The following FUBP1 variants were observed in gnomAD, a reference collection of about 807,000 sequenced individuals.
The protein encoded by FUBP1 is far upstream element binding protein 1.
FUBP1 carries 16 observed loss-of-function variants against 94.9 expected under a neutral mutation model. The observed-to-expected ratio is 0.17, with a 90% confidence interval of 0.11 to 0.26. The LOEUF (loss-of-function observed/expected upper bound fraction) is 0.26, where lower values mean the gene tolerates loss of function less well. FUBP1 is among the 10% of genes least tolerant of loss of function. The pLI is 1.00. For synonymous variants in FUBP1, 279 were observed against 254.9 expected (o/e 1.09, Z -0.90); for missense variants, 583 against 808.6 (o/e 0.72, Z 3.38).
At chr1:77,962,687 C>T in intron 14 of FUBP1, 83 bp downstream of exon 14, 2 of 766,390 alleles carry the variant, frequency 2.6e-6, no homozygotes, top group South Asian at 4.5e-5. Flanking sequence ...ATACATTTTC[C>T]TTTGATGTAT....
Position 77,946,691 on chromosome 1 carries a change from C to T in FUBP1, c.*2075G>A, listed in dbSNP as rs990225284. 1 of 205,512 alleles carries T rather than the reference C, an allele frequency of 4.9e-6. No individual in the cohort carries two copies. Among genetic ancestry groups the T allele is most frequent in the African/African-American group, 2.3e-5 (1 of 43,782 alleles). The allele number at this position is 205,512 out of a possible 1,614,324, so 12.7% of individuals were successfully genotyped here. The stretch of plus-strand genomic sequence containing the variant: ...TATGATACTGAATTCAACTGAACTA[C>T]TTCTTCAGTTCAATTAATAAATGCA... On this transcript the variant is annotated 3_prime_UTR_variant, in exon 20 of 20. Transcript: ENST00000370768.
chr1:77,953,211 T>C (rs2102277472), intron 18 of FUBP1, among the ~76,000 whole-genome samples: 1 of 149,608 alleles, frequency 6.7e-6, no homozygotes, highest in East Asian at 2.0e-4. Context: ...CAGGTGAGGC[T>C]GGGTGCAGTG....
At position 77,947,559 on chromosome 1, in the gene FUBP1, C is replaced by T; in HGVS notation, c.*1207G>A. On this transcript the variant is annotated 3_prime_UTR_variant, in exon 20 of 20. Transcript: ENST00000370768. ...TGGCTGGATCAAACCTGCACTTCAA[C>T]AGACAATGGCAAGACAGACTGTATT... 1 of 1,348,924 alleles carries T rather than the reference C, an allele frequency of 7.4e-7. No homozygotes were observed. The highest frequency in any genetic ancestry group is 1.2e-5 in the South Asian group (1 of 81,478). The allele number at this position is 1,348,924 out of a possible 1,614,324, so 83.6% of individuals were successfully genotyped here. A position where few individuals can be genotyped will look rare whatever the true frequency, so the allele number is the denominator to read the frequency against.
chr1:77,973,599 T>G (rs1487471496), intron 1 of FUBP1, among the ~76,000 whole-genome samples: 1 of 151,830 alleles, frequency 6.6e-6, no homozygotes, highest in African/African-American at 2.4e-5. Context: ...ATCTGGACCA[T>G]TATCTACTTC....
chr1:77,967,521 C>CA, intron 4 of FUBP1, 106 bp downstream of exon 4: 2 of 843,996 alleles, frequency 2.4e-6, no homozygotes, highest in Admixed American at 2.2e-5. Context: ...CTAGGTACAC[C>CA]AAAAAATACA....
At position 77,960,776 on chromosome 1, in the gene FUBP1, CAGT is replaced by C. The variant is rs1236186550; in HGVS notation, c.1345-284_1345-282del. 5 of 301,868 alleles carry C rather than the reference CAGT, an allele frequency of 1.7e-5. No individual in the cohort carries two copies. In the South Asian group the frequency reaches 2.2e-4, roughly 14 times the overall value. The allele number at this position is 301,868 out of a possible 1,614,324, so 18.7% of individuals were successfully genotyped here. On this transcript the variant is annotated intron_variant, in intron 14 of 19. Coordinates refer to ENST00000370768, the MANE Select transcript of FUBP1 (RefSeq NM_003902.5). Reference sequence around the variant, plus strand: ...TTTCCTTTAGCTTGTTTGCGGACAGCAGTAGTTCCCTTTCCTTTTATCATTCTT... The same window carrying C: ...TTTCCTTTAGCTTGTTTGCGGACAGCAGTTCCCTTTCCTTTTATCATTCTT...
intron 1 of FUBP1, among the ~76,000 whole-genome samples, chr1:77,977,314 G>A (rs993875905): frequency 2.6e-5 from 4 of 152,114 alleles, no homozygotes; most frequent in East Asian, 1.9e-4. Flanking sequence ...GACCAGCCTG[G>A]CCAGCATGGT....
chr1:77,948,173 A>T lies in FUBP1; in HGVS notation c.*593T>A. The T allele has an allele frequency of 9.6e-7, 1 of 1,043,544 alleles. No individual in the cohort carries two copies. The highest frequency in any genetic ancestry group is 1.2e-6 in the Non-Finnish European group (1 of 864,912). The allele number at this position is 1,043,544 out of a possible 1,614,324, so 64.6% of individuals were successfully genotyped here. A position where few individuals can be genotyped will look rare whatever the true frequency, so the allele number is the denominator to read the frequency against. Reference sequence around the variant, plus strand: ...ACACATGCAGTTTTTAATCAAACAGAAGGAAAAAAAATGAAGATATCAGGA... The same window carrying T: ...ACACATGCAGTTTTTAATCAAACAGTAGGAAAAAAAATGAAGATATCAGGA... On this transcript the variant is annotated 3_prime_UTR_variant, in exon 20 of 20. Coordinates refer to ENST00000370768, the MANE Select transcript of FUBP1 (RefSeq NM_003902.5).
rs556028059 is a variant in FUBP1, at chr1:77,965,157, G to A, written c.548C>T (p.Pro183Leu). The change falls in exon 8 of 20, where the codon CCG (proline) becomes CTG (leucine). Residue 183 changes from proline to leucine, a missense_variant. Pro to Leu is a moderately conservative substitution (Grantham distance 98). Coordinates refer to ENST00000370768, the MANE Select transcript of FUBP1 (RefSeq NM_003902.5). ...PAPGFHHGDG[P>L]GNAVQEIMIP... is the part of the protein sequence containing the mutation. The stretch of plus-strand genomic sequence containing the variant: ...CATGATTTCTTGAACTGCATTTCCC[G>A]GTCCATCGCCATGATGGAAGCCAGG... The A allele has an allele frequency of 2.0e-5, 33 of 1,611,090 alleles. No homozygotes were observed. The highest frequency in any genetic ancestry group is 4.5e-5 in the East Asian group (2 of 44,838).
chr1:77,948,724 T>G lies in FUBP1; in HGVS notation c.*42A>C, dbSNP rs1313556954. 1 of 1,592,644 alleles carries G rather than the reference T, an allele frequency of 6.3e-7. No individual in the cohort carries two copies. On this transcript the variant is annotated 3_prime_UTR_variant, in exon 20 of 20. Transcript: ENST00000370768. ...TCCATATATTTAACAAAGGTTTTTT[T>G]CCCCCACACAATGAAGCAAATACTG...
Position 77,969,905 on chromosome 1 carries a change from ATACT to A in FUBP1, c.211+16_211+19del. 9.3e-7 allele frequency: 1 copy of A among 1,078,306 alleles called. No homozygotes were observed. The highest frequency in any genetic ancestry group is 1.4e-6 in the Non-Finnish European group (1 of 727,226). 66.8% of individuals were successfully genotyped at this position (1,078,306 alleles called of 1,614,324 possible). ...TAAACACTCTGAAAAACAATTTAAA[ATACT>A]TAGAGTATAACTTACCTCCATCTTC... is the stretch of plus-strand genomic sequence containing the variant. On this transcript the variant is annotated intron_variant, in intron 2 of 19. Coordinates refer to ENST00000370768, the MANE Select transcript of FUBP1 (RefSeq NM_003902.5).
Position 77,978,975 on chromosome 1 carries a change from G to C in FUBP1, c.30C>G (p.Pro10=), listed in dbSNP as rs763987254. The C allele has an allele frequency of 3.1e-6, 5 of 1,613,490 alleles. No individual in the cohort carries two copies. In the East Asian group the frequency reaches 6.7e-5, roughly 22 times the overall value. The change falls in exon 1 of 20, where the codon CCC becomes CCG. Residue 10 remains proline (P), a synonymous_variant. Coordinates refer to ENST00000370768, the MANE Select transcript of FUBP1 (RefSeq NM_003902.5). ...CACCGCCACCAGCTGAGCCAGAAGA[G>C]GGGGGAGGCACTGTTGAATAGTCTG... MADYSTVPP[P]SSGSAGGGGG... is the part of the protein sequence containing the mutation.
chr1:77,955,921 A>C (rs900313036), intron 17 of FUBP1, among the ~76,000 whole-genome samples: 3 of 152,200 alleles, frequency 2.0e-5, no homozygotes, highest in African/African-American at 7.2e-5. Context: ...TGGAGCCCAG[A>C]AAGCACAAAA....
chr1:77,976,773 G>A (rs758268819), intron 1 of FUBP1, among the ~76,000 whole-genome samples: 3 of 152,200 alleles, frequency 2.0e-5, no homozygotes, highest in Non-Finnish European at 2.9e-5. Context: ...GACTACAGGC[G>A]TGAGCCACCG....
At chr1:77,955,426 T>C in intron 17 of FUBP1, 97 bp from the exon 18 acceptor site, 1 of 708,474 alleles carries the variant, frequency 1.4e-6, no homozygotes, top group Non-Finnish European at 2.6e-6. Context: ...GGGCCTGCAA[T>C]GTGACAGTGA....
chr1:77,959,085 T>C (rs985720035), intron 16 of FUBP1, among the ~76,000 whole-genome samples: 1 of 152,222 alleles, frequency 6.6e-6, no homozygotes, highest in African/African-American at 2.4e-5. Context: ...ACACTTCCTA[T>C]GAAGTTAATC....
At chr1:77,973,338 C>G (rs1228901860) in intron 1 of FUBP1, among the ~76,000 whole-genome samples, 5 of 152,116 alleles carry the variant, frequency 3.3e-5, no homozygotes, top group Non-Finnish European at 5.9e-5. Context: ...GTCCGCCCCC[C>G]AAGTTCAAGC....
chr1:77,947,378 G>A lies in FUBP1; in HGVS notation c.*1388C>T. ...CCAACATAATATTCACACAACGTATGGCATTTGCATTATGTGGAACATTGA... is the reference window on the plus strand; with the variant it reads ...CCAACATAATATTCACACAACGTATAGCATTTGCATTATGTGGAACATTGA... On this transcript the variant is annotated 3_prime_UTR_variant, in exon 20 of 20. Coordinates refer to ENST00000370768, the MANE Select transcript of FUBP1 (RefSeq NM_003902.5). 2.0e-6 allele frequency: 1 copy of A among 498,776 alleles called. No homozygotes were observed. The highest frequency in any genetic ancestry group is 3.9e-6 in the Non-Finnish European group (1 of 256,040). 30.9% of individuals were successfully genotyped at this position (498,776 alleles called of 1,614,324 possible). A position where few individuals can be genotyped will look rare whatever the true frequency, so the allele number is the denominator to read the frequency against.
chr1:77,965,732 AAC>A (rs755918181), intron 7 of FUBP1, among the ~76,000 whole-genome samples: 1 of 152,228 alleles, frequency 6.6e-6, no homozygotes, highest in South Asian at 2.1e-4. Context: ...TCAAATGAAT[AAC>A]ACATTATTTG....
Sources: gnomAD v4.1 joint callset for allele counts (sites outside exome capture counted in the v4.1 genomes callset) on GRCh38, gnomAD v4.1.1 for gene constraint, MANE v1.5 for transcripts, NCBI Gene and HGNC (gene_info 2026-07-23, HGNC 2026-07-21) for gene names.